Variants in ZNF385D observed in about 807,000 individuals in gnomAD.
ZNF385D encodes zinc finger protein 385D.
A neutral mutation model predicts 35.8 loss-of-function variants in ZNF385D; 15 were observed. The ratio of observed to expected loss-of-function variants is 0.42; its 90% confidence interval spans 0.28 to 0.64. The LOEUF (loss-of-function observed/expected upper bound fraction) is 0.64, where lower values mean the gene tolerates loss of function less well. Among genes scored for constraint, ZNF385D ranks in the 30% least tolerant of loss-of-function variants. ZNF385D has a pLI of 0.23. For missense variants in ZNF385D, 474 were observed against 494.6 expected (o/e 0.96, Z 0.39); for synonymous variants, 212 against 186.8 (o/e 1.13, Z -1.10).
Position 21,929,183 on chromosome 3 carries a change from CTAATA to C in ZNF385D, c.325+239629_325+239633del, listed in dbSNP as rs1457055654. ...AGGTTGGATTATACCCAGAAATAAACTAATATAATATACCATATCAATAAAATAAA... is the reference window on the plus strand; with the variant it reads ...AGGTTGGATTATACCCAGAAATAAACTAATATACCATATCAATAAAATAAA... On this transcript the variant is annotated intron_variant, in intron 3 of 5. Transcript: ENST00000494108. Among the ~76,000 whole-genome samples, 6 of 151,976 alleles carry C rather than the reference CTAATA, an allele frequency of 3.9e-5. No individual in the cohort carries two copies. In the East Asian group the frequency reaches 1.2e-3, roughly 29 times the overall value.
intron 2 of ZNF385D, among the ~76,000 whole-genome samples, chr3:22,370,673 C>A (rs1696862240): frequency 6.6e-6 from 1 of 152,196 alleles, no homozygotes; most frequent in Non-Finnish European, 1.5e-5. Flanking sequence ...AAAACACTAA[C>A]TGTGGGACTT....
rs551572406 is a variant in ZNF385D, at chr3:21,990,143, T to A, written c.325+178674A>T. On this transcript the variant is annotated intron_variant, in intron 3 of 5. Coordinates refer to the ZNF385D transcript ENST00000494108. ...AAAATTTTTGTGAGGCTATGTCAGA[T>A]CTGAGCAATGATTATAGGATGCTTA... 9.8e-5 allele frequency among the ~76,000 whole-genome samples: 15 copies of A among 152,356 alleles called. No individual in the cohort carries two copies. In the East Asian group the frequency reaches 2.5e-3, roughly 25 times the overall value.
At chr3:21,820,698 G>C (rs112641660) in intron 3 of ZNF385D, among the ~76,000 whole-genome samples, 108 of 150,822 alleles carry the variant, frequency 7.2e-4, no homozygotes, top group African/African-American at 2.2e-3. Flanking sequence ...AAAATAGAGG[G>C]ACTGTATAAA....
Position 21,976,049 on chromosome 3 carries a change from C to T in ZNF385D, c.325+192768G>A, listed in dbSNP as rs114208705. ...GCCCTAGCAAACACTCAGGCTCTAA[C>T]TGGGACACCTTGAGGGATGCACCAT... On this transcript the variant is annotated intron_variant, in intron 3 of 5. Transcript: ENST00000494108. 7.4e-3 allele frequency among the ~76,000 whole-genome samples: 1,125 copies of T among 152,220 alleles called. 14 individuals carry two copies. The highest frequency in any genetic ancestry group is 0.026 in the African/African-American group (1,071 of 41,522).
intron 3 of ZNF385D, among the ~76,000 whole-genome samples, chr3:21,937,558 A>C (rs1399602453): frequency 2.3e-4 from 35 of 152,126 alleles, no homozygotes; most frequent in Admixed American, 2.3e-3. Context: ...ACTATACTGA[A>C]CTTCTCACTA....
chr3:21,464,579 T>C (rs1703387192), intron 4 of ZNF385D, among the ~76,000 whole-genome samples: 1 of 152,158 alleles, frequency 6.6e-6, no homozygotes, highest in African/African-American at 2.4e-5. Flanking sequence ...CTTCCTTAAA[T>C]AGATTACGCT....
intron 3 of ZNF385D, among the ~76,000 whole-genome samples, chr3:22,018,429 G>C (rs1177278564): frequency 1.3e-5 from 2 of 151,454 alleles, no homozygotes; most frequent in Non-Finnish European, 2.9e-5. Context: ...TTTTTCACAT[G>C]TACCTTCAAA....
intron 2 of ZNF385D, among the ~76,000 whole-genome samples, chr3:22,298,855 C>T (rs1702749260): frequency 6.6e-6 from 1 of 151,806 alleles, no homozygotes; most frequent in South Asian, 2.1e-4. Flanking sequence ...TAGCCATGGA[C>T]TTGTGCTCTT....
chr3:22,177,743 C>T (rs116133049), intron 2 of ZNF385D, among the ~76,000 whole-genome samples: 11 of 152,252 alleles, frequency 7.2e-5, no homozygotes, highest in Non-Finnish European at 1.5e-4. Context: ...CTCCCCAAAC[C>T]CCACAACAGT....
intron 2 of ZNF385D, among the ~76,000 whole-genome samples, chr3:22,367,365 T>C (rs1389658): frequency 1.3e-5 from 2 of 152,140 alleles, no homozygotes; most frequent in Non-Finnish European, 2.9e-5. Flanking sequence ...ACTCTTAAAA[T>C]GCTACACTAT....
intron 3 of ZNF385D, among the ~76,000 whole-genome samples, chr3:22,028,556 C>T (rs6800846): frequency 0.099 from 15,093 of 152,160 alleles, 1,569 homozygotes; most frequent in African/African-American, 0.26. Context: ...TCTTCCATCA[C>T]GGAAAGGGTA....
intron 3 of ZNF385D, among the ~76,000 whole-genome samples, chr3:22,166,235 C>G (rs1434770911): frequency 7.7e-6 from 1 of 129,912 alleles, no homozygotes; most frequent in African/African-American, 2.5e-5. Flanking sequence ...TTCTTACTAA[C>G]ATGACGATAC....
At chr3:21,824,389 T>G (rs538148342) in intron 3 of ZNF385D, among the ~76,000 whole-genome samples, 2 of 152,328 alleles carry the variant, frequency 1.3e-5, no homozygotes, top group African/African-American at 4.8e-5. Flanking sequence ...TGCATACCTA[T>G]AAAATCACTT....
chr3:21,698,811 G>T (rs1048939386), intron 1 of ZNF385D, among the ~76,000 whole-genome samples: 1 of 152,130 alleles, frequency 6.6e-6, no homozygotes, highest in African/African-American at 2.4e-5. Context: ...ACGCCAGTTA[G>T]AATGGCAGTC....
chr3:22,167,714 A>G (rs1706428603), intron 3 of ZNF385D, among the ~76,000 whole-genome samples: 1 of 152,238 alleles, frequency 6.6e-6, no homozygotes, highest in Admixed American at 6.5e-5. Flanking sequence ...AAAGTGATCA[A>G]GAAATGTCCT....
intron 3 of ZNF385D, among the ~76,000 whole-genome samples, chr3:21,563,954 T>C (rs555583436): frequency 1.3e-5 from 2 of 152,040 alleles, no homozygotes; most frequent in Non-Finnish European, 2.9e-5. Context: ...AAGGTGTGAA[T>C]AACTCCCTGA....
intron 1 of ZNF385D, among the ~76,000 whole-genome samples, chr3:21,739,714 T>C (rs1269997294): frequency 6.6e-6 from 1 of 152,190 alleles, no homozygotes; most frequent in Non-Finnish European, 1.5e-5. Flanking sequence ...TGTACAGAGA[T>C]GATGCAATAA....
intron 3 of ZNF385D, among the ~76,000 whole-genome samples, chr3:22,119,271 T>C (rs538905769): frequency 6.6e-6 from 1 of 152,260 alleles, no homozygotes; most frequent in African/African-American, 2.4e-5. Context: ...TTCATTACTA[T>C]AAAATTAGTC....
At chr3:22,023,546 C>T (rs189206971) in intron 3 of ZNF385D, among the ~76,000 whole-genome samples, 1 of 152,196 alleles carries the variant, frequency 6.6e-6, no homozygotes, top group Admixed American at 6.5e-5. Context: ...AATGCTTCTT[C>T]CCTCTGCACA....
Sources: allele counts gnomAD v4.1 joint callset (sites outside exome capture counted in the v4.1 genomes callset), GRCh38; gene constraint gnomAD v4.1.1; transcripts MANE v1.5; gene names NCBI Gene and HGNC (gene_info 2026-07-23, HGNC 2026-07-21).